KANK1: variants seen among roughly 807,000 people sequenced by gnomAD.
The protein encoded by KANK1 is KN motif and ankyrin repeat domain-containing protein 1.
In KANK1, 109 loss-of-function variants were observed where a neutral mutation model predicts 106.2. The observed-to-expected ratio is 1.03, with a 90% CI of 0.88 to 1.20. The LOEUF is 1.20. Among genes scored for constraint, KANK1 ranks in the 50% most tolerant of loss-of-function variants. KANK1 has a pLI of 0.00. For synonymous variants in KANK1, 873 were observed against 652.2 expected (o/e 1.34, Z -5.16); for missense variants, 2,399 against 1,710.7 (o/e 1.40, Z -7.10).
rs147714853 is a variant in KANK1 at position 711,982 on chromosome 9, G to C, written c.1216G>C (p.Glu406Gln). 1 of 1,614,060 alleles carries C rather than the reference G, an allele frequency of 6.2e-7. No homozygotes were observed. Among genetic ancestry groups the C allele is most frequent in the Non-Finnish European group, 8.5e-7 (1 of 1,180,048 alleles). The change falls in exon 3 of 12, where the codon GAG (glutamate) becomes CAG (glutamine). Residue 406 changes from glutamate (E) to glutamine (Q), a missense_variant. By Grantham distance (29) the Glu-to-Gln change is conservative. Coordinates refer to ENST00000382297, the MANE Select transcript of KANK1 (RefSeq NM_015158.5). ...GTGCCGGTCTGTGGCTGTGGGTGCCGAGGAGAACATGAACGACATCGTCGT... is the reference window on the plus strand; with the variant it reads ...GTGCCGGTCTGTGGCTGTGGGTGCCCAGGAGAACATGAACGACATCGTCGT... ...GECRSVAVGAEENMNDIVVYH... is the reference protein window; with the variant it reads ...GECRSVAVGAQENMNDIVVYH...
chr9:696,653 G>T (rs888654928), intron 2 of KANK1, among the ~76,000 whole-genome samples: 1 of 152,166 alleles, frequency 6.6e-6, no homozygotes, highest in South Asian at 2.1e-4. Flanking sequence ...GCTGGATTGG[G>T]GCTAAATTGT....
At chr9:639,389 G>A (rs947706048) in intron 1 of KANK1, among the ~76,000 whole-genome samples, 3 of 151,988 alleles carry the variant, frequency 2.0e-5, no homozygotes, top group African/African-American at 4.8e-5. Flanking sequence ...GCAGTGGCAC[G>A]ATCTGCAACC....
At chr9:565,165 A>G (rs1410985226) in intron 1 of KANK1, among the ~76,000 whole-genome samples, 1 of 152,246 alleles carries the variant, frequency 6.6e-6, no homozygotes, top group African/African-American at 2.4e-5. Context: ...ACTTTCAGCA[A>G]TTTAAATTAA....
In KANK1 at chr9:712,552, G is replaced by C. The variant is rs1026487297; in HGVS notation, c.1786G>C (p.Glu596Gln). Residue 596 changes from glutamate to glutamine, a missense_variant, in exon 3 of 12, where the codon GAA becomes CAA. Transcript: ENST00000382297. ...VEMCDKSVSV[E>Q]VSVCETGSNT... ...AATGTGTGACAAGAGTGTGAGTGTG[G>C]AAGTCAGCGTCTGCGAAACAGGCAG... 1 of 1,614,084 alleles carries C rather than the reference G, an allele frequency of 6.2e-7. No homozygotes were observed. Among genetic ancestry groups the C allele is most frequent in the African/African-American group, 1.3e-5 (1 of 74,940 alleles).
At chr9:599,146 G>A (rs1346902836) in intron 1 of KANK1, among the ~76,000 whole-genome samples, 1 of 150,246 alleles carries the variant, frequency 6.7e-6, no homozygotes, top group Non-Finnish European at 1.5e-5. Context: ...AGCCTCCTGA[G>A]TAGCTGGGAT....
intron 1 of KANK1, among the ~76,000 whole-genome samples, chr9:635,004 G>T (rs1241493082): frequency 6.6e-6 from 1 of 152,158 alleles, no homozygotes; most frequent in East Asian, 1.9e-4. Context: ...AACATTTCCA[G>T]ACGCACCCTA....
chr9:607,898 C>G (rs568769402), intron 1 of KANK1, among the ~76,000 whole-genome samples: 1 of 151,290 alleles, frequency 6.6e-6, no homozygotes, highest in Non-Finnish European at 1.5e-5. Context: ...GGTACCTTTA[C>G]CTGGTTGTAT....
Position 711,124 on chromosome 9 carries a change from A to C in KANK1, c.358A>C (p.Lys120Gln), listed in dbSNP as rs780522488. ...RSQVTSTPISKPPPPLETSLP... is the reference protein window; with the variant it reads ...RSQVTSTPISQPPPPLETSLP... Reference sequence around the variant, plus strand: ...TCAAGTTACATCAACTCCAATCTCAAAGCCACCTCCCCCTCTGGAGACCTC... The same window carrying C: ...TCAAGTTACATCAACTCCAATCTCACAGCCACCTCCCCCTCTGGAGACCTC... The change falls in exon 3 of 12, where the codon AAG (lysine) becomes CAG (glutamine). Residue 120 changes from lysine to glutamine, a missense_variant. Lys to Gln is a moderately conservative substitution (Grantham distance 53). Coordinates refer to ENST00000382297, the MANE Select transcript of KANK1 (RefSeq NM_015158.5). 7 of 1,613,800 alleles carry C rather than the reference A, an allele frequency of 4.3e-6. No individual in the cohort carries two copies. Among genetic ancestry groups the C allele is most frequent in the Non-Finnish European group, 5.9e-6 (7 of 1,179,982 alleles).
intron 2 of KANK1, among the ~76,000 whole-genome samples, chr9:701,532 G>A (rs1004960421): frequency 6.6e-6 from 1 of 152,110 alleles, no homozygotes; most frequent in Non-Finnish European, 1.5e-5. Flanking sequence ...TTCTTTGTTG[G>A]GGGAAGGAGG....
chr9:528,640 A>C (rs1370039360), intron 1 of KANK1, among the ~76,000 whole-genome samples: 2 of 151,742 alleles, frequency 1.3e-5, no homozygotes, highest in African/African-American at 4.8e-5. Context: ...GGTGCCCGCC[A>C]CCATGCCCAG....
At chr9:470,302 T>C (rs151242444) in exon 1 of KANK1, 1,563 of 149,262 alleles carry the variant, frequency 0.01, 23 homozygotes, top group African/African-American at 0.024. Flanking sequence ...CCCGAGGGTG[T>C]TTCGGGGCGT....
At chr9:744,422 C>CTGT in intron 10 of KANK1, 69 bp from the exon 11 acceptor site, 1 of 1,536,170 alleles carries the variant, frequency 6.5e-7, no homozygotes. Flanking sequence ...GTGTTTTGTT[C>CTGT]TGTTACCTTT....
chr9:738,383 G>A lies in KANK1; in HGVS notation c.3432G>A (p.Glu1144=), dbSNP rs751616565. 15 of 1,614,114 alleles carry A rather than the reference G, an allele frequency of 9.3e-6. No homozygotes were observed. Among genetic ancestry groups the A allele is most frequent in the Non-Finnish European group, 1.2e-5 (14 of 1,180,014 alleles). ...TGGGGGACTACATAGCTGCTTTTGA[G>A]GCCATTTCCCCAGATGTCCTCCGCT... is the stretch of plus-strand genomic sequence containing the variant. The part of the protein sequence containing the change: ...AMVGDYIAAF[E]AISPDVLRYV... The change falls in exon 8 of 12, where the codon GAG becomes GAA. Residue 1144 remains glutamate, a synonymous_variant. Transcript: ENST00000382297.
At chr9:579,964 G>A (rs1821603994) in intron 1 of KANK1, among the ~76,000 whole-genome samples, 1 of 152,142 alleles carries the variant, frequency 6.6e-6, no homozygotes. Flanking sequence ...CTCCAGTGAT[G>A]CTGTGTCCGA....
At chr9:704,730 C>A (rs995204507) in intron 2 of KANK1, among the ~76,000 whole-genome samples, 4 of 152,006 alleles carry the variant, frequency 2.6e-5, no homozygotes, top group African/African-American at 9.7e-5. Flanking sequence ...CCTGTAATTC[C>A]AGCATGTTGA....
At chr9:565,486 C>A (rs1233816226) in intron 1 of KANK1, among the ~76,000 whole-genome samples, 1 of 152,198 alleles carries the variant, frequency 6.6e-6, no homozygotes, top group African/African-American at 2.4e-5. Context: ...TGGCTAGCCG[C>A]ATGGGAGATG....
chr9:674,317 G>A (rs1238253369), intron 1 of KANK1: 5 of 151,120 alleles, frequency 3.3e-5, no homozygotes, highest in Non-Finnish European at 7.4e-5. Context: ...CTCTCCAGGT[G>A]AACACAATGC....
intron 1 of KANK1, among the ~76,000 whole-genome samples, chr9:514,730 T>C (rs1199526823): frequency 1.3e-5 from 2 of 151,758 alleles, no homozygotes; most frequent in Non-Finnish European, 2.9e-5. Context: ...TGGACCAGTA[T>C]GAACAGTACT....
At chr9:685,103 C>T (rs1219311100) in intron 2 of KANK1, among the ~76,000 whole-genome samples, 3 of 152,222 alleles carry the variant, frequency 2.0e-5, no homozygotes, top group African/African-American at 4.8e-5. Context: ...CTGAGTTACT[C>T]ATTTCCACAT....
Sources: allele counts gnomAD v4.1 joint callset (sites outside exome capture counted in the v4.1 genomes callset), GRCh38; gene constraint gnomAD v4.1.1; transcripts MANE v1.5; gene names NCBI Gene and HGNC (gene_info 2026-07-23, HGNC 2026-07-21).